GPCPD1: variants seen among roughly 807,000 people sequenced by gnomAD.
GPCPD1 encodes the protein glycerophosphocholine phosphodiesterase 1.
In GPCPD1, 29 loss-of-function variants were observed where a neutral mutation model predicts 89.2. The observed-to-expected ratio is 0.33, with a 90% CI of 0.24 to 0.44. GPCPD1 has a LOEUF of 0.44. GPCPD1 is among the 20% of genes least tolerant of loss of function. The pLI, the probability that GPCPD1 is intolerant of heterozygous loss-of-function variation, is 1.00. For missense variants in GPCPD1, 594 were observed against 808.9 expected, an observed-to-expected ratio of 0.73 and a Z score of 3.22; for synonymous variants, 258 against 266.3, an observed-to-expected ratio of 0.97 and a Z score of 0.30.
intron 4 of GPCPD1, among the ~76,000 whole-genome samples, chr20:5,592,087 G>C (rs994829297): frequency 1.4e-4 from 21 of 152,198 alleles, no homozygotes; most frequent in Non-Finnish European, 2.2e-4. Flanking sequence ...GTTGACAATA[G>C]TCTTACTTTA....
At chr20:5,599,073 AACTACTC>A (rs1202767667) in intron 2 of GPCPD1, among the ~76,000 whole-genome samples, 3 of 152,206 alleles carry the variant, frequency 2.0e-5, no homozygotes, top group African/African-American at 7.2e-5. Context: ...TCATCTGTTC[AACTACTC>A]ATTGAGCCAG....
intron 19 of GPCPD1, chr20:5,549,376 C>A (rs1985234852): frequency 2.5e-6 from 3 of 1,216,152 alleles, no homozygotes; most frequent in Non-Finnish European, 3.6e-6. Flanking sequence ...AGAGGGTATA[C>A]AAGGAAAGGT....
chr20:5,590,712 T>C (rs1200936469), intron 4 of GPCPD1, among the ~76,000 whole-genome samples: 1 of 152,134 alleles, frequency 6.6e-6, no homozygotes, highest in Non-Finnish European at 1.5e-5. Context: ...TAAACTATTG[T>C]ACAAAATGAC....
At chr20:5,595,156 T>A (rs1460745969) in intron 3 of GPCPD1, among the ~76,000 whole-genome samples, 6 of 152,164 alleles carry the variant, frequency 3.9e-5, no homozygotes, top group African/African-American at 1.4e-4. Context: ...GATTGTATCA[T>A]TTTTTAGCAA....
At chr20:5,548,839 G>A in intron 19 of GPCPD1, 3 of 787,580 alleles carry the variant, frequency 3.8e-6, no homozygotes, top group Non-Finnish European at 5.5e-6. Flanking sequence ...TAAGACGGCG[G>A]ACTGTCAAAC....
intron 1 of GPCPD1, among the ~76,000 whole-genome samples, chr20:5,609,150 G>A (rs1980788336): frequency 6.6e-6 from 1 of 152,154 alleles, no homozygotes; most frequent in Admixed American, 6.5e-5. Context: ...TGGCTACAAG[G>A]AACATGTCAG....
chr20:5,583,019 G>A (rs1978656581), intron 6 of GPCPD1, among the ~76,000 whole-genome samples: 1 of 152,104 alleles, frequency 6.6e-6, no homozygotes, highest in Non-Finnish European at 1.5e-5. Context: ...AGGATCACCT[G>A]AAGTCGGGAG....
intron 19 of GPCPD1, among the ~76,000 whole-genome samples, chr20:5,555,376 C>T (rs957085501): frequency 6.6e-5 from 10 of 151,802 alleles, no homozygotes; most frequent in Admixed American, 5.9e-4. Context: ...CTGTCTCTAC[C>T]AAAAATACAA....
At chr20:5,561,724 G>T (rs908589903) in intron 15 of GPCPD1, among the ~76,000 whole-genome samples, 194 bp from the exon 16 acceptor site, 9 of 152,172 alleles carry the variant, frequency 5.9e-5, no homozygotes, top group Non-Finnish European at 1.3e-4. Context: ...GTTAAATAAG[G>T]TCAAAAGAAA....
rs1455103258 is a variant in GPCPD1 at position 5,570,250 on chromosome 20, G to A, written c.1057-11C>T. 1 of 1,433,330 alleles carries A rather than the reference G, an allele frequency of 7.0e-7. No individual in the cohort carries two copies. 88.8% of individuals were successfully genotyped at this position (1,433,330 alleles called of 1,614,324 possible). On this transcript the variant is annotated splice_polypyrimidine_tract_variant and intron_variant, in intron 11 of 19. Transcript: ENST00000379019. ...TACAAAGGCTGCACCCTGACAGAAG[G>A]AAGCAAGTATTTGAAAAACATTGCC...
chr20:5,593,460 T>C (rs772009757), intron 3 of GPCPD1, 49 bp from the exon 4 acceptor site: 20 of 934,860 alleles, frequency 2.1e-5, no homozygotes, highest in Non-Finnish European at 3.0e-5. Context: ...CAAACTACAG[T>C]GCATAAAGAC....
At chr20:5,596,871 T>G (rs1979767155) in intron 3 of GPCPD1, among the ~76,000 whole-genome samples, 1 of 152,242 alleles carries the variant, frequency 6.6e-6, no homozygotes, top group Non-Finnish European at 1.5e-5. Context: ...ATCTGCTACC[T>G]GTGAATCAAT....
intron 15 of GPCPD1, among the ~76,000 whole-genome samples, chr20:5,564,440 C>T (rs182137061): frequency 6.6e-6 from 1 of 151,912 alleles, no homozygotes; most frequent in African/African-American, 2.4e-5. Flanking sequence ...GCTACTCTTA[C>T]CAAATTACCA....
rs200415127 is a variant in GPCPD1 at position 5,583,480 on chromosome 20, G to T, written c.349+801C>A. On this transcript the variant is annotated intron_variant, in intron 6 of 19. Coordinates refer to ENST00000379019, the MANE Select transcript of GPCPD1 (RefSeq NM_019593.5). Reference sequence around the variant, plus strand: ...GGAGTATCACTTGAACCTCAGGGTCGGAGGCTGCAGTGAGCCGAGACTGCA... The same window carrying T: ...GGAGTATCACTTGAACCTCAGGGTCTGAGGCTGCAGTGAGCCGAGACTGCA... 2.6e-5 allele frequency among the ~76,000 whole-genome samples: 4 copies of T among 151,516 alleles called. No homozygotes were observed. The East Asian group carries it at 7.8e-4, about 29-fold the overall frequency.
chr20:5,566,744 T>C lies in GPCPD1; in HGVS notation c.1256A>G (p.Lys419Arg). Residue 419 changes from lysine to arginine, a missense_variant, in exon 14 of 20, where the codon AAG (lysine) becomes AGG (arginine). Lys to Arg is a conservative substitution (Grantham distance 26). Coordinates refer to ENST00000379019, the MANE Select transcript of GPCPD1 (RefSeq NM_019593.5). The part of the protein sequence containing the change: ...KLTHVTALKS[K>R]DRKESVVQEE... ...ATATTGGTACATACCTTTCCGATCC[T>C]TAGATTTCAGTGCAGTCACATGAGT... is the stretch of plus-strand genomic sequence containing the variant. The C allele has an allele frequency of 6.3e-7, 1 of 1,579,688 alleles. No homozygotes were observed. The highest frequency in any genetic ancestry group is 8.7e-7 in the Non-Finnish European group (1 of 1,148,780).
At chr20:5,599,301 G>C (rs1164446572) in intron 2 of GPCPD1, among the ~76,000 whole-genome samples, 1 of 151,986 alleles carries the variant, frequency 6.6e-6, no homozygotes, top group Non-Finnish European at 1.5e-5. Context: ...TGTAATCCCA[G>C]CACTCTGGGA....
At chr20:5,586,412 G>A (rs1007596002) in intron 4 of GPCPD1, 143 bp from the exon 5 acceptor site, 23 of 567,124 alleles carry the variant, frequency 4.1e-5, no homozygotes, top group Admixed American at 2.5e-4. Context: ...TATGCCAAAA[G>A]CCTGGAATGT....
intron 12 of GPCPD1, among the ~76,000 whole-genome samples, chr20:5,569,372 C>T (rs752251163): frequency 6.6e-6 from 1 of 152,142 alleles, no homozygotes; most frequent in Admixed American, 6.5e-5. Context: ...GAGTCTAAGT[C>T]CCCGAGAAAT....
intron 4 of GPCPD1, among the ~76,000 whole-genome samples, chr20:5,592,176 T>C (rs1177296447): frequency 6.6e-6 from 1 of 152,192 alleles, no homozygotes; most frequent in African/African-American, 2.4e-5. Flanking sequence ...TTTCACATAT[T>C]ACAAAGCTAA....
Sources: gnomAD v4.1 joint callset for allele counts (sites outside exome capture counted in the v4.1 genomes callset) on GRCh38, gnomAD v4.1.1 for gene constraint, MANE v1.5 for transcripts, NCBI Gene and HGNC (gene_info 2026-07-23, HGNC 2026-07-21) for gene names.